Variants in DSCC1 observed in about 807,000 individuals in gnomAD.
DSCC1 encodes DNA replication and sister chromatid cohesion 1, also known as sister chromatid cohesion protein DCC1.
DSCC1 carries 32 observed loss-of-function variants against 48.2 expected under a neutral mutation model. The ratio of observed to expected loss-of-function variants is 0.66; its 90% confidence interval spans 0.50 to 0.89. The LOEUF (loss-of-function observed/expected upper bound fraction) is 0.89, where lower values mean the gene tolerates loss of function less well. Among genes scored for constraint, DSCC1 ranks in the 40% least tolerant of loss-of-function variants. DSCC1 has a pLI of 0.00. For synonymous variants in DSCC1, 150 were observed against 171.5 expected (o/e 0.87, Z 0.98); for missense variants, 421 against 471.7 (o/e 0.89, Z 1.00).
chr8:119,841,872 T>C lies in DSCC1; in HGVS notation c.846A>G (p.Lys282=). 3.1e-6 allele frequency: 5 copies of C among 1,614,154 alleles called. No individual in the cohort carries two copies. The highest frequency in any genetic ancestry group is 4.2e-6 in the Non-Finnish European group (5 of 1,180,030). Residue 282 remains lysine (K), a synonymous_variant, in exon 7 of 9, where the codon AAA becomes AAG. Coordinates refer to ENST00000313655, the MANE Select transcript of DSCC1 (RefSeq NM_024094.3). ...AARMLLQNAV[K]FNLAEFQEVW... ...CTTCTTGAAACTCAGCGAGATTGAA[T>C]TTCACCGCATTCTGAAGTAGCATTC...
chr8:119,852,934 C>A, intron 2 of DSCC1, 113 bp downstream of exon 2: 1 of 963,324 alleles, frequency 1.0e-6, no homozygotes. Context: ...TAAAGAACTT[C>A]TTAGATTCTC....
chr8:119,835,333 T>C (rs949751509), intron 8 of DSCC1, among the ~76,000 whole-genome samples: 3 of 152,036 alleles, frequency 2.0e-5, no homozygotes, highest in Non-Finnish European at 4.4e-5. Flanking sequence ...AGTGAAACCC[T>C]GTCTCTATTA....
In DSCC1 at chr8:119,855,890, T is replaced by C. The variant is rs1009931241; in HGVS notation, c.-95A>G. 13 of 1,347,666 alleles carry C rather than the reference T, an allele frequency of 9.6e-6. No homozygotes were observed. In the South Asian group the frequency reaches 1.7e-4, roughly 17 times the overall value. 83.5% of individuals were successfully genotyped at this position (1,347,666 alleles called of 1,614,324 possible). On this transcript the variant is annotated 5_prime_UTR_variant, in exon 1 of 9. Coordinates refer to ENST00000313655, the MANE Select transcript of DSCC1 (RefSeq NM_024094.3). ...CCAAGCAGCCGGAAGGTAGGAAACC[T>C]GAGCGTTTGAAAGCGCGCCAAGGCG...
chr8:119,837,842 G>A (rs78522336), intron 8 of DSCC1, among the ~76,000 whole-genome samples: 3,630 of 152,232 alleles, frequency 0.024, 58 homozygotes, highest in Middle Eastern at 0.034. Context: ...GATTTCAAGC[G>A]TTAGGGGACT....
At chr8:119,846,242 T>C (rs1387548373) in intron 4 of DSCC1, among the ~76,000 whole-genome samples, 1 of 151,278 alleles carries the variant, frequency 6.6e-6, no homozygotes, top group Non-Finnish European at 1.5e-5. Context: ...GCCTCCTGAG[T>C]AGCTGGGATT....
intron 2 of DSCC1, 174 bp downstream of exon 2, chr8:119,852,873 C>T: frequency 3.7e-6 from 2 of 539,710 alleles, no homozygotes; most frequent in Non-Finnish European, 5.7e-6. Context: ...CACAAGACTC[C>T]AACAAACAAG....
intron 5 of DSCC1, 82 bp downstream of exon 5, chr8:119,843,527 T>C: frequency 2.7e-6 from 4 of 1,473,110 alleles, no homozygotes; most frequent in Non-Finnish European, 3.7e-6. Flanking sequence ...TTGTAGTTTA[T>C]GCCCTGGGTT....
intron 8 of DSCC1, among the ~76,000 whole-genome samples, chr8:119,835,436 G>A (rs1336447794): frequency 6.6e-6 from 1 of 152,062 alleles, no homozygotes; most frequent in East Asian, 1.9e-4. Flanking sequence ...GAACCCGGGA[G>A]GCAGAGGTTG....
intron 4 of DSCC1, among the ~76,000 whole-genome samples, chr8:119,844,582 C>CTT (rs796462086): frequency 6.9e-6 from 1 of 143,976 alleles, no homozygotes. Flanking sequence ...CAAGTGCTTT[C>CTT]TTTTTTTTTT....
At chr8:119,847,604 A>G (rs1173978115) in intron 3 of DSCC1, among the ~76,000 whole-genome samples, 2 of 152,032 alleles carry the variant, frequency 1.3e-5, no homozygotes, top group African/African-American at 4.8e-5. Flanking sequence ...CACCACTATG[A>G]ATGTACTTGA....
intron 1 of DSCC1, among the ~76,000 whole-genome samples, 199 bp from the exon 2 acceptor site, chr8:119,853,414 A>G (rs962632881): frequency 1.3e-5 from 2 of 152,288 alleles, no homozygotes; most frequent in Admixed American, 6.5e-5. Flanking sequence ...CCCCACCCAG[A>G]GCCTCATTAA....
intron 5 of DSCC1, 39 bp from the exon 6 acceptor site, chr8:119,842,867 AT>A (rs1369518248): frequency 1.3e-6 from 2 of 1,536,752 alleles, no homozygotes; most frequent in Non-Finnish European, 8.9e-7. Context: ...AGTTATAAGC[AT>A]TTTTATGCAC....
chr8:119,855,501 C>G, intron 1 of DSCC1, 113 bp downstream of exon 1: 1 of 1,379,884 alleles, frequency 7.2e-7, no homozygotes, highest in Non-Finnish European at 9.5e-7. Context: ...TTGCTATGAG[C>G]CCCCGGCCAG....
At chr8:119,838,117 A>G in intron 8 of DSCC1, 142 bp downstream of exon 8, 1 of 819,676 alleles carries the variant, frequency 1.2e-6, no homozygotes, top group South Asian at 2.6e-5. Flanking sequence ...CAGAGAAGAC[A>G]GCCACCACCT....
Position 119,842,334 on chromosome 8 carries a change from C to T in DSCC1, c.770-386G>A, listed in dbSNP as rs537229799. 1.1e-4 allele frequency among the ~76,000 whole-genome samples: 16 copies of T among 151,934 alleles called. No individual in the cohort carries two copies. In the South Asian group the frequency reaches 3.3e-3, roughly 32 times the overall value. The stretch of plus-strand genomic sequence containing the variant: ...CAGGTGATCCGCACACCTTGGCCTC[C>T]CAAAGTGCTGGGGTTACAGGCGTGA... On this transcript the variant is annotated intron_variant, in intron 6 of 8. Coordinates refer to ENST00000313655, the MANE Select transcript of DSCC1 (RefSeq NM_024094.3).
intron 3 of DSCC1, among the ~76,000 whole-genome samples, chr8:119,847,580 T>A (rs7017279): frequency 6.6e-6 from 1 of 151,890 alleles, no homozygotes; most frequent in African/African-American, 2.4e-5. Flanking sequence ...AGATGGATAG[T>A]GCTAATGACT....
At chr8:119,835,876 C>T (rs1005676668) in intron 8 of DSCC1, among the ~76,000 whole-genome samples, 1 of 152,212 alleles carries the variant, frequency 6.6e-6, no homozygotes, top group African/African-American at 2.4e-5. Context: ...AATAGGAGGA[C>T]GTGAGCTAGA....
intron 7 of DSCC1, among the ~76,000 whole-genome samples, chr8:119,840,626 T>G (rs1826753209): frequency 6.6e-6 from 1 of 152,112 alleles, no homozygotes; most frequent in African/African-American, 2.4e-5. Flanking sequence ...TTAAACTGAT[T>G]TAAGGCCGGG....
intron 4 of DSCC1, among the ~76,000 whole-genome samples, chr8:119,846,322 C>T (rs1826856755): frequency 6.6e-6 from 1 of 152,052 alleles, no homozygotes; most frequent in Non-Finnish European, 1.5e-5. Context: ...CCATGTTGGC[C>T]AGGCTGGTCT....
Sources: gnomAD v4.1 joint callset for allele counts (sites outside exome capture counted in the v4.1 genomes callset) on GRCh38, gnomAD v4.1.1 for gene constraint, MANE v1.5 for transcripts, NCBI Gene and HGNC (gene_info 2026-07-23, HGNC 2026-07-21) for gene names.